MRTFB: variants seen among roughly 807,000 people sequenced by gnomAD.
MRTFB encodes the protein myocardin related transcription factor B, also known as myocardin-related transcription factor B.
Under a neutral mutation model 104.2 loss-of-function variants are expected in MRTFB, and 29 were observed. The ratio of observed to expected loss-of-function variants is 0.28; its 90% CI spans 0.21 to 0.38. MRTFB has a LOEUF of 0.38. MRTFB is among the 10% of genes least tolerant of loss of function. The probability of loss-of-function intolerance (pLI) is 1.00; values close to 1 mark genes in which losing one functional copy is unlikely to be tolerated. For synonymous variants in MRTFB, 535 were observed against 519.5 expected, an observed-to-expected ratio of 1.03 and a Z score of -0.41; for missense variants, 1,270 against 1,341.6, an observed-to-expected ratio of 0.95 and a Z score of 0.83.
intron 2 of MRTFB, among the ~76,000 whole-genome samples, chr16:14,135,560 G>A (rs138420922): frequency 8.5e-5 from 13 of 152,284 alleles, no homozygotes; most frequent in Middle Eastern, 6.8e-3. Context: ...CGCACAAAAC[G>A]AAATCATCTA....
rs138490625 is a variant in MRTFB at position 14,253,568 on chromosome 16, G to T, written c.2703+1066G>T. On this transcript the variant is annotated intron_variant, in intron 15 of 16. Coordinates refer to ENST00000571589, the MANE Select transcript of MRTFB (RefSeq NM_001308142.2). ...CAAACAAGCCAGTCCCTCACCCAGG[G>T]AGTATGCAGTCATGCCTACGCTTCC... Among the ~76,000 whole-genome samples, 499 of 152,286 alleles carry T rather than the reference G, an allele frequency of 3.3e-3. 3 individuals are homozygous for T. The highest frequency in any genetic ancestry group is 0.024 in the East Asian group (123 of 5,186).
chr16:14,185,853 T>C lies in MRTFB; in HGVS notation c.155-24390T>C, dbSNP rs2039934197. ...TATCTGGAGTATTTGGAGACTGGCT[T>C]ATCTCCACATTTGCCTGGAATTCCT... On this transcript the variant is annotated intron_variant, in intron 3 of 16. Transcript: ENST00000571589. Among the ~76,000 whole-genome samples, 4 of 152,216 alleles carry C rather than the reference T, an allele frequency of 2.6e-5. No homozygotes were observed. In the South Asian group the frequency reaches 8.3e-4, roughly 32 times the overall value.
Position 14,262,333 on chromosome 16 carries a change from G to A in MRTFB, c.*889G>A, listed in dbSNP as rs2043807373. On this transcript the variant is annotated 3_prime_UTR_variant, in exon 17 of 17. Coordinates refer to ENST00000571589, the MANE Select transcript of MRTFB (RefSeq NM_001308142.2). ...GCTCGAATATTTCTAGAGTACTTGA[G>A]CCACATGTATTTCTGTATTTAAAGA... The A allele has an allele frequency of 6.6e-6, 1 of 152,228 alleles. No homozygotes were observed. The highest frequency in any genetic ancestry group is 2.1e-4 in the South Asian group (1 of 4,834). 9.4% of individuals were successfully genotyped at this position (152,228 alleles called of 1,614,324 possible). A position where few individuals can be genotyped will look rare whatever the true frequency, so the allele number is the denominator to read the frequency against.
chr16:14,018,337 T>G, the MRTFB span, among the ~76,000 whole-genome samples: 31 of 152,344 alleles, frequency 2.0e-4, no homozygotes, highest in East Asian at 3.5e-3. Context: ...CAGTGAAGCC[T>G]ACATGAGTTC....
intron 6 of MRTFB, among the ~76,000 whole-genome samples, chr16:14,214,133 T>G (rs2041315858): frequency 6.6e-6 from 1 of 152,160 alleles, no homozygotes; most frequent in African/African-American, 2.4e-5. Context: ...ACCTCATCAC[T>G]TACGAGGCTG....
chr16:14,074,681 C>G (rs59631893), intron 1 of MRTFB, among the ~76,000 whole-genome samples: 27,079 of 152,054 alleles, frequency 0.18, 3,905 homozygotes, highest in African/African-American at 0.39. Flanking sequence ...CATAATTTTA[C>G]TACATGAATA....
At chr16:14,178,322 G>C (rs2150999105) in intron 3 of MRTFB, among the ~76,000 whole-genome samples, 2 of 152,204 alleles carry the variant, frequency 1.3e-5, no homozygotes, top group East Asian at 3.9e-4. Flanking sequence ...AGGATAGTAG[G>C]GTAGTGTAAT....
At chr16:14,195,276 G>A (rs1597215262) in intron 3 of MRTFB, among the ~76,000 whole-genome samples, 1 of 152,050 alleles carries the variant, frequency 6.6e-6, no homozygotes, top group East Asian at 1.9e-4. Context: ...GCGTGGCAAG[G>A]GATAATGTGG....
chr16:13,997,810 A>AAAG, the MRTFB span, among the ~76,000 whole-genome samples: 2 of 151,918 alleles, frequency 1.3e-5, no homozygotes, highest in East Asian at 3.9e-4. Flanking sequence ...AAAAAAAAAA[A>AAAG]AAGAATTTTC....
At chr16:14,091,998 A>C (rs2035100909) in intron 2 of MRTFB, among the ~76,000 whole-genome samples, 1 of 99,916 alleles carries the variant, frequency 1.0e-5, no homozygotes. Flanking sequence ...TCATCTCAAA[A>C]AAAAAAAAAA....
intron 8 of MRTFB, among the ~76,000 whole-genome samples, chr16:14,221,634 C>T (rs1432920435): frequency 6.6e-6 from 1 of 152,166 alleles, no homozygotes; most frequent in Non-Finnish European, 1.5e-5. Flanking sequence ...CACGTCTTGT[C>T]TTTCAGGGGT....
intron 3 of MRTFB, among the ~76,000 whole-genome samples, chr16:14,206,943 A>C (rs1049434756): frequency 3.9e-5 from 6 of 151,950 alleles, no homozygotes; most frequent in Non-Finnish European, 7.4e-5. Flanking sequence ...AAAAAAAAAA[A>C]CTGGGTAATC....
chr16:14,176,433 T>C (rs1827223726), intron 3 of MRTFB, among the ~76,000 whole-genome samples: 1 of 152,200 alleles, frequency 6.6e-6, no homozygotes, highest in African/African-American at 2.4e-5. Context: ...ACATCCAGCC[T>C]TTCTCAGCCC....
At chr16:14,043,234 T>A in the MRTFB span, among the ~76,000 whole-genome samples, 2 of 152,188 alleles carry the variant, frequency 1.3e-5, no homozygotes, top group African/African-American at 4.8e-5. Context: ...CGTACTTCCA[T>A]ATGTGTTGCT....
intron 2 of MRTFB, among the ~76,000 whole-genome samples, chr16:14,079,891 G>T (rs2034293521): frequency 6.6e-6 from 1 of 151,346 alleles, no homozygotes; most frequent in Non-Finnish European, 1.5e-5. Context: ...TCTATCTATG[G>T]ATATAGAAGA....
At chr16:14,014,073 A>G in the MRTFB span, among the ~76,000 whole-genome samples, 1 of 152,180 alleles carries the variant, frequency 6.6e-6, no homozygotes, top group African/African-American at 2.4e-5. Flanking sequence ...GGCAGGACCC[A>G]TGTCTATTCC....
chr16:14,179,073 T>C (rs2039683091), intron 3 of MRTFB, among the ~76,000 whole-genome samples: 1 of 152,256 alleles, frequency 6.6e-6, no homozygotes, highest in Non-Finnish European at 1.5e-5. Context: ...TATGACATTG[T>C]TGGATTATGT....
At chr16:14,182,207 C>A (rs1352931692) in intron 3 of MRTFB, among the ~76,000 whole-genome samples, 1 of 152,156 alleles carries the variant, frequency 6.6e-6, no homozygotes, top group Non-Finnish European at 1.5e-5. Context: ...TTCCAAAAGG[C>A]ATTGTGTGGA....
upstream of MRTFB, among the ~76,000 whole-genome samples, chr16:14,067,917 C>T (rs1289335884): frequency 6.6e-5 from 10 of 152,094 alleles, no homozygotes; most frequent in African/African-American, 9.7e-5. Flanking sequence ...CTGCAACCTC[C>T]ACCTCCTGGG....
Sources: allele counts gnomAD v4.1 joint callset (sites outside exome capture counted in the v4.1 genomes callset), GRCh38; gene constraint gnomAD v4.1.1; transcripts MANE v1.5; gene names NCBI Gene and HGNC (gene_info 2026-07-23, HGNC 2026-07-21).